Variants in PTPRT observed in about 807,000 individuals in gnomAD.
The protein encoded by PTPRT is receptor-type tyrosine-protein phosphatase T.
In PTPRT, 56 loss-of-function variants were observed where a neutral mutation model predicts 176.8. The ratio of observed to expected loss-of-function variants is 0.32; its 90% confidence interval spans 0.26 to 0.40. The LOEUF (loss-of-function observed/expected upper bound fraction) is 0.40, where lower values mean the gene tolerates loss of function less well. PTPRT is among the 10% of genes least tolerant of loss of function. The pLI, the probability that PTPRT is intolerant of heterozygous loss-of-function variation, is 1.00. For synonymous variants in PTPRT, 783 were observed against 739.0 expected, an observed-to-expected ratio of 1.06 and a Z score of -0.96; for missense variants, 1,540 against 1,908.2, an observed-to-expected ratio of 0.81 and a Z score of 3.60.
intron 9 of PTPRT, 23 bp from the exon 10 acceptor site, chr20:42,352,308 A>C (rs370724811): frequency 5.6e-6 from 9 of 1,612,914 alleles, no homozygotes; most frequent in Non-Finnish European, 7.6e-6. Flanking sequence ...CCAGCAAACA[A>C]ACAAACAAAT....
the PTPRT span, among the ~76,000 whole-genome samples, chr20:42,052,205 T>G: frequency 6.6e-6 from 1 of 152,164 alleles, no homozygotes; most frequent in South Asian, 2.1e-4. Context: ...AGCAAGGCAC[T>G]CTGGGACCCA....
At chr20:43,033,635 T>C (rs1291410821) in intron 1 of PTPRT, among the ~76,000 whole-genome samples, 1 of 152,176 alleles carries the variant, frequency 6.6e-6, no homozygotes. Context: ...GATGAGTAAA[T>C]GCACAATCTC....
intron 1 of PTPRT, among the ~76,000 whole-genome samples, chr20:43,073,636 T>C (rs2146275620): frequency 6.6e-6 from 1 of 151,702 alleles, no homozygotes; most frequent in Admixed American, 6.6e-5. Flanking sequence ...CACAATTACT[T>C]TTGCACCAAC....
chr20:42,246,784 A>C (rs2056459373), intron 14 of PTPRT, among the ~76,000 whole-genome samples: 1 of 152,248 alleles, frequency 6.6e-6, no homozygotes, highest in Non-Finnish European at 1.5e-5. Flanking sequence ...GGTCTATCAA[A>C]GAGGTATTCA....
rs1447075672 is a variant in PTPRT at position 42,155,259 on chromosome 20, T to C, written c.2682+6093A>G. Among the ~76,000 whole-genome samples the C allele has an allele frequency of 3.3e-5, 5 of 152,354 alleles. No homozygotes were observed. In the East Asian group the frequency reaches 9.7e-4, roughly 29 times the overall value. On this transcript the variant is annotated intron_variant, in intron 17 of 30. Coordinates refer to ENST00000373187, the MANE Select transcript of PTPRT (RefSeq NM_007050.6). ...ATGCGCAACCCAAATTGAAGGCCTC[T>C]GACTGAGGCTCAGATCTATCTGGCA...
At chr20:42,753,363 T>A (rs1439732020) in intron 6 of PTPRT, among the ~76,000 whole-genome samples, 1 of 152,208 alleles carries the variant, frequency 6.6e-6, no homozygotes, top group African/African-American at 2.4e-5. Flanking sequence ...TGAAGGGACT[T>A]CTTTACATGC....
intron 9 of PTPRT, among the ~76,000 whole-genome samples, chr20:42,380,731 T>C (rs914323943): frequency 1.3e-5 from 2 of 152,218 alleles, no homozygotes; most frequent in African/African-American, 4.8e-5. Flanking sequence ...TCCCCGACAG[T>C]AGGGTGTGTT....
chr20:42,940,583 T>C (rs1422431002), intron 1 of PTPRT, among the ~76,000 whole-genome samples: 1 of 151,684 alleles, frequency 6.6e-6, no homozygotes, highest in Non-Finnish European at 1.5e-5. Context: ...GGCACGTGAG[T>C]GATACAGTCA....
intron 13 of PTPRT, among the ~76,000 whole-genome samples, chr20:42,274,426 G>A (rs6124438): frequency 6.6e-6 from 1 of 152,270 alleles, no homozygotes; most frequent in East Asian, 1.9e-4. Flanking sequence ...AACTAATCCA[G>A]TTGCTGAGGT....
At chr20:42,877,634 G>A (rs1040488235) in intron 2 of PTPRT, among the ~76,000 whole-genome samples, 2 of 152,074 alleles carry the variant, frequency 1.3e-5, no homozygotes, top group African/African-American at 2.4e-5. Flanking sequence ...AACATTTGCC[G>A]CTACCTACTA....
At chr20:42,103,946 C>T (rs1038254659) in intron 25 of PTPRT, among the ~76,000 whole-genome samples, 1 of 152,202 alleles carries the variant, frequency 6.6e-6, no homozygotes, top group Admixed American at 6.5e-5. Context: ...CCTAGAGAAG[C>T]AGACACTGAA....
At chr20:42,860,738 T>A (rs1372547000) in intron 2 of PTPRT, among the ~76,000 whole-genome samples, 5 of 152,236 alleles carry the variant, frequency 3.3e-5, no homozygotes, top group Non-Finnish European at 7.3e-5. Flanking sequence ...CTTATTAGAC[T>A]CTTTTATTGG....
At chr20:42,850,570 T>C (rs2078451123) in intron 2 of PTPRT, among the ~76,000 whole-genome samples, 1 of 152,144 alleles carries the variant, frequency 6.6e-6, no homozygotes. Flanking sequence ...TCTTTTGGCA[T>C]CCCCCAGTGG....
At chr20:43,062,585 CTT>C (rs920046805) in intron 1 of PTPRT, among the ~76,000 whole-genome samples, 1 of 152,224 alleles carries the variant, frequency 6.6e-6, no homozygotes, top group Non-Finnish European at 1.5e-5. Flanking sequence ...AACACACACT[CTT>C]TTGCAGCATG....
intron 2 of PTPRT, among the ~76,000 whole-genome samples, chr20:42,843,887 A>G (rs996982987): frequency 6.6e-6 from 1 of 152,236 alleles, no homozygotes; most frequent in East Asian, 1.9e-4. Flanking sequence ...TATTAGTAGA[A>G]CCAGCCAGGA....
intron 6 of PTPRT, among the ~76,000 whole-genome samples, chr20:42,703,241 G>A (rs2146169924): frequency 6.6e-6 from 1 of 152,234 alleles, no homozygotes; most frequent in African/African-American, 2.4e-5. Context: ...GAGAGACAGA[G>A]ACAGACACAC....
intron 7 of PTPRT, among the ~76,000 whole-genome samples, chr20:42,604,865 A>G (rs1185905708): frequency 1.3e-5 from 2 of 152,178 alleles, no homozygotes; most frequent in Admixed American, 1.3e-4. Flanking sequence ...TGCCCAGTTG[A>G]CCCAGGCCCC....
chr20:42,343,729 T>C (rs1292618022), intron 11 of PTPRT, among the ~76,000 whole-genome samples: 1 of 152,240 alleles, frequency 6.6e-6, no homozygotes, highest in Non-Finnish European at 1.5e-5. Context: ...GGTTTCCTGA[T>C]GTGCCCTACA....
rs749509900 is a variant in PTPRT at position 42,098,570 on chromosome 20, C to T, written c.3715-18G>A. 5 of 1,613,636 alleles carry T rather than the reference C, an allele frequency of 3.1e-6. No individual in the cohort carries two copies. The Admixed American group carries it at 8.3e-5, about 27-fold the overall frequency. Reference sequence around the variant, plus strand: ...TTGTGGCTCTGACAAAGGAATGACACAGGCTTCGTAAATTACACATCCATC... The same window carrying T: ...TTGTGGCTCTGACAAAGGAATGACATAGGCTTCGTAAATTACACATCCATC... On this transcript the variant is annotated intron_variant, in intron 26 of 30. Transcript: ENST00000373187.
Sources: allele counts gnomAD v4.1 joint callset (sites outside exome capture counted in the v4.1 genomes callset), GRCh38; gene constraint gnomAD v4.1.1; transcripts MANE v1.5; gene names NCBI Gene and HGNC (gene_info 2026-07-23, HGNC 2026-07-21).